CAB39: variants seen among roughly 807,000 people sequenced by gnomAD.
CAB39 encodes calcium-binding protein 39.
In CAB39, 8 loss-of-function variants were observed where a neutral mutation model predicts 40.0. The ratio of observed to expected loss-of-function variants is 0.20; its 90% CI spans 0.12 to 0.36. CAB39 has a LOEUF of 0.36. CAB39 is among the 10% of genes least tolerant of loss of function. The pLI, the probability that CAB39 is intolerant of heterozygous loss-of-function variation, is 1.00. For missense variants in CAB39, 270 were observed against 401.1 expected (o/e 0.67, Z 2.79); for synonymous variants, 156 against 141.6 (o/e 1.10, Z -0.72).
intron 2 of CAB39, among the ~76,000 whole-genome samples, chr2:230,773,308 A>ATGTGTGTGTG (rs1361313789): frequency 6.8e-5 from 6 of 88,244 alleles, no homozygotes; most frequent in African/African-American, 3.4e-4. Flanking sequence ...GTATATATAT[A>ATGTGTGTGTG]TATATATGTG....
At chr2:230,747,119 C>T (rs1037776094) in intron 1 of CAB39, among the ~76,000 whole-genome samples, 2 of 151,878 alleles carry the variant, frequency 1.3e-5, no homozygotes, top group African/African-American at 2.4e-5. Context: ...TTGGGGAGGC[C>T]GAGGCAGGTG....
intron 5 of CAB39, among the ~76,000 whole-genome samples, chr2:230,807,596 C>T (rs1268795459): frequency 6.6e-6 from 1 of 152,130 alleles, no homozygotes; most frequent in African/African-American, 2.4e-5. Context: ...GATGGTAACA[C>T]ATAGAATCTC....
intron 1 of CAB39, among the ~76,000 whole-genome samples, chr2:230,730,312 A>G (rs1018398437): frequency 6.6e-6 from 1 of 152,290 alleles, no homozygotes; most frequent in Admixed American, 6.5e-5. Flanking sequence ...CATGTTGCCC[A>G]GGCTAGAGCA....
intron 1 of CAB39, among the ~76,000 whole-genome samples, chr2:230,741,130 T>C (rs918390248): frequency 6.6e-6 from 1 of 152,208 alleles, no homozygotes; most frequent in Non-Finnish European, 1.5e-5. Context: ...TATCTCCCTC[T>C]GACAAAACCA....
intron 1 of CAB39, among the ~76,000 whole-genome samples, chr2:230,750,670 C>T (rs1174903687): frequency 5.3e-5 from 8 of 152,044 alleles, no homozygotes; most frequent in African/African-American, 1.9e-4. Context: ...AATCTTGCTT[C>T]CCATTCATCC....
At chr2:230,788,002 C>T (rs1695823420) in intron 2 of CAB39, among the ~76,000 whole-genome samples, 1 of 152,184 alleles carries the variant, frequency 6.6e-6, no homozygotes, top group Non-Finnish European at 1.5e-5. Context: ...AAGGTAAAGT[C>T]ATGTGATTTG....
chr2:230,734,567 C>T (rs536325280), intron 1 of CAB39, among the ~76,000 whole-genome samples: 2 of 152,240 alleles, frequency 1.3e-5, no homozygotes, highest in South Asian at 2.1e-4. Flanking sequence ...ATGACCCTTC[C>T]GAGGATTGGT....
At chr2:230,782,813 C>CTTTTTTTTTTTTTTT (rs1212977897) in intron 2 of CAB39, among the ~76,000 whole-genome samples, 3 of 81,762 alleles carry the variant, frequency 3.7e-5, no homozygotes, top group African/African-American at 1.2e-4. Flanking sequence ...TTCTTTCTTT[C>CTTTTTTTTTTTTTTT]TTTTTTTTTT....
intron 1 of CAB39, among the ~76,000 whole-genome samples, chr2:230,718,279 A>T (rs937183149): frequency 1.3e-5 from 2 of 152,206 alleles, no homozygotes; most frequent in East Asian, 3.8e-4. Context: ...CTACTTTGTG[A>T]TCTTGTCTCA....
intron 4 of CAB39, 130 bp from the exon 5 acceptor site, chr2:230,798,599 C>A: frequency 1.5e-6 from 1 of 673,218 alleles, no homozygotes; most frequent in Non-Finnish European, 2.4e-6. Flanking sequence ...CTTCTGTAAT[C>A]TGCGATGGTC....
intron 1 of CAB39, among the ~76,000 whole-genome samples, chr2:230,739,730 G>A (rs1439841546): frequency 6.6e-5 from 10 of 152,206 alleles, no homozygotes; most frequent in Admixed American, 2.6e-4. Flanking sequence ...CCGACCTCGG[G>A]TGATCCGCCC....
chr2:230,741,327 A>G (rs189647806), intron 1 of CAB39, among the ~76,000 whole-genome samples: 1 of 152,278 alleles, frequency 6.6e-6, no homozygotes, highest in East Asian at 1.9e-4. Flanking sequence ...CATCTCTTTC[A>G]TTTTATCCCA....
Position 230,760,096 on chromosome 2 carries a change from C to G in CAB39, c.95C>G (p.Ser32Cys). The G allele has an allele frequency of 6.2e-7, 1 of 1,609,502 alleles. No individual in the cohort carries two copies. The highest frequency in any genetic ancestry group is 2.2e-5 in the East Asian group (1 of 44,816). The change falls in exon 2 of 9, where the codon TCT becomes TGT. Residue 32 changes from serine to cysteine, a missense_variant. By Grantham distance (112) the Ser-to-Cys change is moderately radical. Coordinates refer to ENST00000258418, the MANE Select transcript of CAB39 (RefSeq NM_016289.4). ...GCTGTTCTGGAAAAGCAAGACATTTCTGATAAAAAAGCAGAAAAGGTATGG... is the reference window on the plus strand; with the variant it reads ...GCTGTTCTGGAAAAGCAAGACATTTGTGATAAAAAAGCAGAAAAGGTATGG... ...SMAVLEKQDI[S>C]DKKAEKATEE...
intron 5 of CAB39, among the ~76,000 whole-genome samples, chr2:230,809,860 G>T (rs1033841544): frequency 6.6e-6 from 1 of 152,090 alleles, no homozygotes. Flanking sequence ...TTTCTCCACC[G>T]GGAGCGCTAA....
intron 2 of CAB39, among the ~76,000 whole-genome samples, chr2:230,781,403 G>A (rs1252624011): frequency 6.6e-6 from 1 of 152,200 alleles, no homozygotes. Flanking sequence ...ATGACATGGT[G>A]TATTGGTGAA....
chr2:230,813,992 T>TTTTTTTTTTTTTTTTTTTTTG, intron 6 of CAB39, 57 bp from the exon 7 acceptor site: 2 of 400,372 alleles, frequency 5.0e-6, no homozygotes, highest in Non-Finnish European at 8.8e-6. Flanking sequence ...TTTTTTTTTT[T>TTTTTTTTTTTTTTTTTTTTTG]TTTTTTTTTT....
chr2:230,795,412 A>G (rs781321973), intron 4 of CAB39, among the ~76,000 whole-genome samples: 45 of 152,218 alleles, frequency 3.0e-4, no homozygotes, highest in Non-Finnish European at 6.0e-4. Flanking sequence ...TAGAAAAATC[A>G]TATATTTTAG....
chr2:230,748,823 A>T (rs1695022793), intron 1 of CAB39, among the ~76,000 whole-genome samples: 2 of 59,216 alleles, frequency 3.4e-5, no homozygotes, highest in East Asian at 4.7e-4. Context: ...GAAAAAAAAA[A>T]AAAAAAAAAT....
At chr2:230,729,384 A>G (rs1401752764) in intron 1 of CAB39, among the ~76,000 whole-genome samples, 5 of 152,238 alleles carry the variant, frequency 3.3e-5, no homozygotes, top group Non-Finnish European at 5.9e-5. Context: ...AAACTGGTGG[A>G]ATATAGCAGT....
Sources: gnomAD v4.1 joint callset for allele counts (sites outside exome capture counted in the v4.1 genomes callset) on GRCh38, gnomAD v4.1.1 for gene constraint, MANE v1.5 for transcripts, NCBI Gene and HGNC (gene_info 2026-07-23, HGNC 2026-07-21) for gene names.